Variants in CMTM4 observed in about 807,000 individuals in gnomAD.
The protein encoded by CMTM4 is CKLF-like MARVEL transmembrane domain-containing protein 4.
In CMTM4, 8 loss-of-function variants were observed where a neutral mutation model predicts 19.0. That is an observed-to-expected ratio of 0.42 (90% CI 0.25 to 0.76). The LOEUF (loss-of-function observed/expected upper bound fraction) is 0.76. Ranked by LOEUF, CMTM4 falls within the 30% of genes least tolerant of loss-of-function variation. The probability of loss-of-function intolerance (pLI) is 0.27; values close to 1 mark genes in which losing one functional copy is unlikely to be tolerated. For missense variants in CMTM4, 228 were observed against 290.2 expected (o/e 0.79, Z 1.56); for synonymous variants, 106 against 121.1 (o/e 0.88, Z 0.82).
chr16:66,675,723 C>T (rs1022333533), intron 1 of CMTM4, among the ~76,000 whole-genome samples: 9 of 152,124 alleles, frequency 5.9e-5, no homozygotes, highest in African/African-American at 1.2e-4. Context: ...GAGCAACACA[C>T]CACCAGCAAC....
chr16:66,618,063 T>G lies in CMTM4; in HGVS notation c.*3995A>C. On this transcript the variant is annotated 3_prime_UTR_variant, in exon 4 of 4. Coordinates refer to ENST00000394106, the MANE Select transcript of CMTM4 (RefSeq NM_181521.3). ...TGTGGACCTCACCAGCCTACCAAGC[T>G]GTTGGGCCTGGACGTGGGTGCTGAT... The G allele has an allele frequency of 1.0e-6, 1 of 985,500 alleles. No individual in the cohort carries two copies. Among genetic ancestry groups the G allele is most frequent in the Non-Finnish European group, 1.2e-6 (1 of 829,964 alleles). 61.0% of individuals were successfully genotyped at this position (985,500 alleles called of 1,614,324 possible).
intron 1 of CMTM4, among the ~76,000 whole-genome samples, chr16:66,685,397 G>A (rs192926656): frequency 1.3e-5 from 2 of 152,066 alleles, no homozygotes; most frequent in African/African-American, 4.8e-5. Context: ...AGGGAAGACT[G>A]CTGTGGGGGA....
intron 1 of CMTM4, among the ~76,000 whole-genome samples, chr16:66,637,616 A>C (rs2016021011): frequency 6.6e-6 from 1 of 152,240 alleles, no homozygotes; most frequent in African/African-American, 2.4e-5. Context: ...GAGTTCATAG[A>C]TCATAAAATC....
At position 66,619,455 on chromosome 16, in the gene CMTM4, C is replaced by T. The variant is rs866951238; in HGVS notation, c.*2603G>A. On this transcript the variant is annotated 3_prime_UTR_variant, in exon 4 of 4. Transcript: ENST00000394106. ...CCAGAACACTGAGAAAAACTAAGGT[C>T]GCTCAGCCTTCAAATGCCCCAAACC... 7 of 985,296 alleles carry T rather than the reference C, an allele frequency of 7.1e-6. No individual in the cohort carries two copies. The highest frequency in any genetic ancestry group is 1.7e-5 in the African/African-American group (1 of 57,226). 61.0% of individuals were successfully genotyped at this position (985,296 alleles called of 1,614,324 possible). A position where few individuals can be genotyped will look rare whatever the true frequency, so the allele number is the denominator to read the frequency against.
At chr16:66,640,637 G>T (rs915644632) in intron 1 of CMTM4, among the ~76,000 whole-genome samples, 1 of 152,218 alleles carries the variant, frequency 6.6e-6, no homozygotes, top group Non-Finnish European at 1.5e-5. Flanking sequence ...GAGGACAAGG[G>T]CAGAAGCCAG....
intron 2 of CMTM4, among the ~76,000 whole-genome samples, chr16:66,632,815 G>C (rs2015900328): frequency 6.6e-6 from 1 of 152,038 alleles, no homozygotes; most frequent in South Asian, 2.1e-4. Flanking sequence ...AGGCACGGTG[G>C]GTCACGCCTG....
chr16:66,657,826 T>C (rs2016426112), intron 1 of CMTM4, among the ~76,000 whole-genome samples: 1 of 152,234 alleles, frequency 6.6e-6, no homozygotes, highest in African/African-American at 2.4e-5. Context: ...AGCATTTACC[T>C]TGCCTTTCCT....
intron 2 of CMTM4, among the ~76,000 whole-genome samples, chr16:66,630,843 A>G (rs2015844298): frequency 7.1e-6 from 1 of 141,436 alleles, no homozygotes; most frequent in African/African-American, 2.7e-5. Context: ...CATCCCATCT[A>G]GGAAGTGAGG....
chr16:66,633,401 G>A (rs1455625520), intron 2 of CMTM4, among the ~76,000 whole-genome samples: 2 of 151,958 alleles, frequency 1.3e-5, no homozygotes, highest in African/African-American at 4.8e-5. Flanking sequence ...CCACCACCTT[G>A]TTACAGAAAC....
Position 66,618,627 on chromosome 16 carries a change from G to A in CMTM4, c.*3431C>T. ...TTCAGGTCTCATTCACTGCAAGCAA[G>A]AATTCACGTACATGAGTGCACAAAG... On this transcript the variant is annotated 3_prime_UTR_variant, in exon 4 of 4. Coordinates refer to ENST00000394106, the MANE Select transcript of CMTM4 (RefSeq NM_181521.3). 1 of 985,484 alleles carries A rather than the reference G, an allele frequency of 1.0e-6. No homozygotes were observed. Among genetic ancestry groups the A allele is most frequent in the Non-Finnish European group, 1.2e-6 (1 of 829,944 alleles). 61.0% of individuals were successfully genotyped at this position (985,484 alleles called of 1,614,324 possible).
intron 1 of CMTM4, among the ~76,000 whole-genome samples, chr16:66,692,894 A>G (rs1567436761): frequency 6.6e-6 from 1 of 150,602 alleles, no homozygotes; most frequent in Non-Finnish European, 1.5e-5. Flanking sequence ...GTGACAGAGC[A>G]AGACTCCATC....
chr16:66,685,939 C>T (rs1442348434), intron 1 of CMTM4, among the ~76,000 whole-genome samples: 1 of 152,156 alleles, frequency 6.6e-6, no homozygotes, highest in African/African-American at 2.4e-5. Context: ...GCCACTGCGC[C>T]TGGCCTGATT....
At chr16:66,627,060 G>A (rs1000582881) in intron 2 of CMTM4, among the ~76,000 whole-genome samples, 3 of 152,162 alleles carry the variant, frequency 2.0e-5, no homozygotes, top group Non-Finnish European at 2.9e-5. Flanking sequence ...CGGAGACTGC[G>A]CCTCTGCACT....
At chr16:66,627,206 A>G (rs1017251968) in intron 2 of CMTM4, among the ~76,000 whole-genome samples, 19 of 152,256 alleles carry the variant, frequency 1.2e-4, no homozygotes, top group African/African-American at 4.3e-4. Flanking sequence ...TATTTCCATA[A>G]TGGAACACTA....
At chr16:66,649,982 T>C (rs925245541) in intron 1 of CMTM4, among the ~76,000 whole-genome samples, 2 of 152,152 alleles carry the variant, frequency 1.3e-5, no homozygotes, top group African/African-American at 4.8e-5. Flanking sequence ...ACACACGCTA[T>C]TATACACAAA....
At chr16:66,600,955 A>T in the CMTM4 span, among the ~76,000 whole-genome samples, 15 of 152,198 alleles carry the variant, frequency 9.9e-5, no homozygotes, top group African/African-American at 3.4e-4. Context: ...GCTCTGTGGC[A>T]GGAGGGACCA....
intron 1 of CMTM4, among the ~76,000 whole-genome samples, chr16:66,681,064 A>G (rs2016906105): frequency 6.6e-6 from 1 of 152,144 alleles, no homozygotes; most frequent in African/African-American, 2.4e-5. Context: ...AAAAAGTAGA[A>G]TTTGGATAGT....
intron 1 of CMTM4, among the ~76,000 whole-genome samples, chr16:66,683,709 C>A (rs561030120): frequency 6.6e-6 from 1 of 151,868 alleles, no homozygotes; most frequent in Non-Finnish European, 1.5e-5. Context: ...ATGGAGCTGA[C>A]CTTCCAGCTG....
intron 1 of CMTM4, among the ~76,000 whole-genome samples, chr16:66,654,536 A>C (rs1448941381): frequency 6.6e-6 from 1 of 152,126 alleles, no homozygotes; most frequent in Non-Finnish European, 1.5e-5. Context: ...TTCCCCCACA[A>C]ACTGGGCACC....
Sources: gnomAD v4.1 joint callset for allele counts (sites outside exome capture counted in the v4.1 genomes callset) on GRCh38, gnomAD v4.1.1 for gene constraint, MANE v1.5 for transcripts, NCBI Gene and HGNC (gene_info 2026-07-23, HGNC 2026-07-21) for gene names.